Variants in DCC observed in about 807,000 individuals in gnomAD.
The protein encoded by DCC is DCC netrin 1 receptor.
Under a neutral mutation model 172.5 loss-of-function variants are expected in DCC, and 58 were observed. The observed-to-expected ratio is 0.34, with a 90% CI of 0.27 to 0.42. The LOEUF (loss-of-function observed/expected upper bound fraction) is 0.42, where lower values mean the gene tolerates loss of function less well. DCC is among the 10% of genes least tolerant of loss of function. The pLI, the probability that DCC is intolerant of heterozygous loss-of-function variation, is 1.00. For missense variants in DCC, 1,740 were observed against 1,791.0 expected, an observed-to-expected ratio of 0.97 and a Z score of 0.51; for synonymous variants, 709 against 644.5, an observed-to-expected ratio of 1.10 and a Z score of -1.52.
intron 2 of DCC, among the ~76,000 whole-genome samples, chr18:52,879,474 A>G (rs2145400905): frequency 8.3e-6 from 1 of 120,944 alleles, no homozygotes; most frequent in African/African-American, 3.3e-5. Flanking sequence ...CCCAGGCTGG[A>G]GTGCAGTGGC....
At position 52,923,003 on chromosome 18, in the gene DCC, A is replaced by G. The variant is rs2040148040; in HGVS notation, c.698-704A>G. Among the ~76,000 whole-genome samples, 5 of 152,294 alleles carry G rather than the reference A, an allele frequency of 3.3e-5. No individual in the cohort carries two copies. The South Asian group carries it at 1.0e-3, about 32-fold the overall frequency. On this transcript the variant is annotated intron_variant, in intron 3 of 28. Transcript: ENST00000442544. Reference sequence around the variant, plus strand: ...TGCTAGTAAAAGTGAATAGTGTTCCATATATAGAACTAGTAAATGCATCAG... The same window carrying G: ...TGCTAGTAAAAGTGAATAGTGTTCCGTATATAGAACTAGTAAATGCATCAG...
At chr18:52,736,512 GGC>G (rs2036732338) in intron 1 of DCC, among the ~76,000 whole-genome samples, 4 of 152,082 alleles carry the variant, frequency 2.6e-5, no homozygotes, top group Middle Eastern at 3.4e-3. Flanking sequence ...CAAGAGCGAG[GGC>G]ACATTTTTCA....
intron 1 of DCC, among the ~76,000 whole-genome samples, chr18:52,342,306 C>T (rs1270280774): frequency 6.6e-6 from 1 of 151,988 alleles, no homozygotes; most frequent in Non-Finnish European, 1.5e-5. Context: ...TGTGTGCACG[C>T]GCGCTGTCCT....
intron 2 of DCC, among the ~76,000 whole-genome samples, chr18:52,818,701 CTG>C (rs1188781720): frequency 2.0e-5 from 3 of 152,182 alleles, no homozygotes; most frequent in African/African-American, 7.2e-5. Flanking sequence ...ATTGGACTAT[CTG>C]TACATTCCAC....
chr18:52,542,024 TAATA>T (rs1388168251), intron 1 of DCC, among the ~76,000 whole-genome samples: 1 of 147,746 alleles, frequency 6.8e-6, no homozygotes, highest in East Asian at 1.9e-4. Context: ...ATATTATATA[TAATA>T]AATATATATA....
Position 53,519,311 on chromosome 18 carries a change from A to C in DCC, c.4112-7306A>C, listed in dbSNP as rs78432191. ...TGGAATATTTATTTGAGCACTCATT[A>C]AATACTTGGAATTTGTTGTATAGAT... On this transcript the variant is annotated intron_variant, in intron 27 of 28. Transcript: ENST00000442544. Among the ~76,000 whole-genome samples, 24 of 152,244 alleles carry C rather than the reference A, an allele frequency of 1.6e-4. 1 individual carries two copies. In the East Asian group the frequency reaches 3.9e-3, roughly 25 times the overall value.
chr18:52,823,450 A>G (rs1485511710), intron 2 of DCC, among the ~76,000 whole-genome samples: 1 of 152,164 alleles, frequency 6.6e-6, no homozygotes, highest in Non-Finnish European at 1.5e-5. Flanking sequence ...GATCTATGAT[A>G]AATATTTGGC....
chr18:53,105,428 C>A (rs1168021780), intron 7 of DCC, among the ~76,000 whole-genome samples: 3 of 152,008 alleles, frequency 2.0e-5, no homozygotes, highest in African/African-American at 7.2e-5. Flanking sequence ...CCCAAATTTA[C>A]AAACATTGTT....
intron 24 of DCC, 68 bp from the exon 25 acceptor site, chr18:53,467,826 T>G (rs1361817576): frequency 7.2e-6 from 6 of 835,722 alleles, no homozygotes; most frequent in Non-Finnish European, 1.1e-5. Context: ...TTGGAATGCC[T>G]GCTAGAAATT....
chr18:52,417,793 T>C lies in DCC; in HGVS notation c.91+76915T>C, dbSNP rs552062745. Among the ~76,000 whole-genome samples the C allele has an allele frequency of 2.0e-5, 3 of 152,328 alleles. No homozygotes were observed. In the South Asian group the frequency reaches 6.2e-4, roughly 32 times the overall value. On this transcript the variant is annotated intron_variant, in intron 1 of 28. Transcript: ENST00000442544. ...TTCGTCTAAATTTTTTTCAAAGTTT[T>C]TAACTTCTTTGCCTTTGGTTTGAAT...
At chr18:53,495,136 A>G (rs2046004142) in intron 26 of DCC, among the ~76,000 whole-genome samples, 1 of 152,140 alleles carries the variant, frequency 6.6e-6, no homozygotes, top group Non-Finnish European at 1.5e-5. Flanking sequence ...TCATGCCTGT[A>G]ATCCCAGCAC....
At chr18:53,302,318 C>T (rs2057151501) in intron 12 of DCC, among the ~76,000 whole-genome samples, 2 of 152,034 alleles carry the variant, frequency 1.3e-5, no homozygotes, top group Admixed American at 1.3e-4. Context: ...CATCAATATG[C>T]AGATTTCCAT....
intron 5 of DCC, among the ~76,000 whole-genome samples, chr18:53,053,156 A>G (rs1267583183): frequency 1.3e-5 from 2 of 152,050 alleles, no homozygotes; most frequent in East Asian, 3.9e-4. Flanking sequence ...CAAAATCAAA[A>G]ACAAACAAAC....
intron 9 of DCC, among the ~76,000 whole-genome samples, chr18:53,190,812 G>A (rs1009144130): frequency 2.0e-5 from 3 of 152,266 alleles, no homozygotes; most frequent in African/African-American, 4.8e-5. Context: ...CTAGCATGGT[G>A]GCGGGCGCCT....
chr18:52,931,213 G>C (rs1293654996), intron 5 of DCC, among the ~76,000 whole-genome samples: 1 of 152,002 alleles, frequency 6.6e-6, no homozygotes, highest in Non-Finnish European at 1.5e-5. Context: ...CTGATATAAA[G>C]TTAGGATTAT....
At chr18:53,350,954 G>A (rs759937488) in intron 15 of DCC, among the ~76,000 whole-genome samples, 4 of 151,718 alleles carry the variant, frequency 2.6e-5, no homozygotes, top group East Asian at 3.9e-4. Context: ...AGAAGTGAGC[G>A]GGGATAAGAA....
chr18:52,656,672 T>C (rs1466085454), intron 1 of DCC, among the ~76,000 whole-genome samples: 2 of 152,202 alleles, frequency 1.3e-5, no homozygotes, highest in Admixed American at 6.5e-5. Context: ...AGGGACATGC[T>C]TGGTGAAATC....
intron 5 of DCC, among the ~76,000 whole-genome samples, chr18:53,010,647 T>C (rs2041715035): frequency 6.6e-6 from 1 of 150,530 alleles, no homozygotes; most frequent in Non-Finnish European, 1.5e-5. Context: ...TACAAGATAT[T>C]AAGTAAGACA....
In DCC at chr18:52,721,214, G is replaced by A. The variant is rs181886610; in HGVS notation, c.92-30840G>A. 5.9e-5 allele frequency among the ~76,000 whole-genome samples: 9 copies of A among 152,280 alleles called. No homozygotes were observed. The East Asian group carries it at 1.7e-3, about 29-fold the overall frequency. On this transcript the variant is annotated intron_variant, in intron 1 of 28. Transcript: ENST00000442544. ...GAAATCAACAGGACCGTATGGCAATGTTCGAATCTGAAATTATTTCCAATG... is the reference window on the plus strand; with the variant it reads ...GAAATCAACAGGACCGTATGGCAATATTCGAATCTGAAATTATTTCCAATG...
Sources: allele counts gnomAD v4.1 joint callset (sites outside exome capture counted in the v4.1 genomes callset), GRCh38; gene constraint gnomAD v4.1.1; transcripts MANE v1.5; gene names NCBI Gene and HGNC (gene_info 2026-07-23, HGNC 2026-07-21).